The following SGPP1 variants were observed in gnomAD, a reference collection of about 807,000 sequenced individuals.
SGPP1 encodes hSPP1.
In SGPP1, 21 loss-of-function variants were observed where a neutral mutation model predicts 33.0. That is an observed-to-expected ratio of 0.64 (90% confidence interval 0.45 to 0.92). The LOEUF (loss-of-function observed/expected upper bound fraction) is 0.92, where lower values mean the gene tolerates loss of function less well. Among genes scored for constraint, SGPP1 ranks in the 40% least tolerant of loss-of-function variants. The probability of loss-of-function intolerance (pLI) is 0.00; values close to 1 mark genes in which losing one functional copy is unlikely to be tolerated. For missense variants in SGPP1, 543 were observed against 589.4 expected (o/e 0.92, Z 0.81); for synonymous variants, 239 against 241.2 (o/e 0.99, Z 0.08).
intron 1 of SGPP1, among the ~76,000 whole-genome samples, chr14:63,718,989 TA>T (rs1885692756): frequency 1.1e-4 from 2 of 17,882 alleles, no homozygotes; most frequent in Non-Finnish European, 2.2e-4. Context: ...TATATATATA[TA>T]TATATATATA....
chr14:63,691,805 C>A (rs1885098837), intron 2 of SGPP1, among the ~76,000 whole-genome samples: 1 of 152,024 alleles, frequency 6.6e-6, no homozygotes. Context: ...CATATTTAGA[C>A]AATGACTACT....
intron 1 of SGPP1, among the ~76,000 whole-genome samples, chr14:63,717,022 A>G (rs528693011): frequency 6.6e-6 from 1 of 152,196 alleles, no homozygotes; most frequent in Admixed American, 6.5e-5. Context: ...AATCTTCTGA[A>G]CTTACTCAAG....
At chr14:63,694,657 A>G (rs543026265) in intron 2 of SGPP1, among the ~76,000 whole-genome samples, 1 of 152,264 alleles carries the variant, frequency 6.6e-6, no homozygotes, top group African/African-American at 2.4e-5. Context: ...TATCATTTTG[A>G]TATCAATATA....
chr14:63,701,799 G>A (rs759661105), intron 1 of SGPP1, among the ~76,000 whole-genome samples: 25 of 151,900 alleles, frequency 1.6e-4, no homozygotes, highest in Non-Finnish European at 2.8e-4. Flanking sequence ...AGACCAGTTA[G>A]AAGGCTGTTG....
chr14:63,720,397 T>C (rs1427785491), intron 1 of SGPP1, among the ~76,000 whole-genome samples: 1 of 152,002 alleles, frequency 6.6e-6, no homozygotes, highest in African/African-American at 2.4e-5. Flanking sequence ...GGAAGGTCTT[T>C]GCAATATATT....
chr14:63,721,073 G>T (rs1885760304), intron 1 of SGPP1, among the ~76,000 whole-genome samples: 1 of 152,148 alleles, frequency 6.6e-6, no homozygotes, highest in African/African-American at 2.4e-5. Context: ...AATAGACACG[G>T]GGTTTCACCA....
At chr14:63,714,059 C>A (rs564857567) in intron 1 of SGPP1, among the ~76,000 whole-genome samples, 19 of 152,348 alleles carry the variant, frequency 1.2e-4, no homozygotes, top group African/African-American at 4.6e-4. Flanking sequence ...GAACTCCAGG[C>A]TCACCAGCCT....
intron 1 of SGPP1, among the ~76,000 whole-genome samples, chr14:63,708,607 A>C (rs921877951): frequency 6.6e-6 from 1 of 152,168 alleles, no homozygotes; most frequent in African/African-American, 2.4e-5. Context: ...AGACTTTTTT[A>C]AGCCAAAATT....
chr14:63,688,546 CTACCT>C (rs1182892845), intron 2 of SGPP1, among the ~76,000 whole-genome samples: 2 of 151,898 alleles, frequency 1.3e-5, no homozygotes, highest in Admixed American at 6.6e-5. Context: ...TTCCGTATTT[CTACCT>C]TACAACAAAA....
chr14:63,714,480 G>A (rs1040023028), intron 1 of SGPP1, among the ~76,000 whole-genome samples: 1 of 152,034 alleles, frequency 6.6e-6, no homozygotes, highest in African/African-American at 2.4e-5. Flanking sequence ...AGACACAGTG[G>A]CATGATTATA....
At position 63,727,805 on chromosome 14, in the gene SGPP1, G is replaced by A; in HGVS notation, c.140C>T (p.Ala47Val). Residue 47 changes from alanine to valine, a missense_variant, in exon 1 of 3, where the codon GCG becomes GTG. By Grantham distance (64) the Ala-to-Val change is moderately conservative. Transcript: ENST00000247225. ...CAGTCGAGGGTCTCCGGCGAGAGGC[G>A]CCTCCGCTTTCTCATCCTCCCTCCG... The part of the protein sequence containing the change: ...ADRREDEKAE[A>V]PLAGDPRLRG... 6.6e-7 allele frequency: 1 copy of A among 1,505,724 alleles called. No individual in the cohort carries two copies. The highest frequency in any genetic ancestry group is 8.8e-7 in the Non-Finnish European group (1 of 1,133,654). The allele number at this position is 1,505,724 out of a possible 1,614,324, so 93.3% of individuals were successfully genotyped here. A position where few individuals can be genotyped will look rare whatever the true frequency, so the allele number is the denominator to read the frequency against.
chr14:63,687,355 G>A (rs772297870), intron 2 of SGPP1, among the ~76,000 whole-genome samples: 2 of 152,134 alleles, frequency 1.3e-5, no homozygotes, highest in Admixed American at 1.3e-4. Flanking sequence ...CATGAGAATC[G>A]CTTGAACCCA....
In SGPP1 at chr14:63,727,772, C is replaced by T. The variant is rs1289604240; in HGVS notation, c.173G>A (p.Arg58Gln). ...PLAGDPRLRG[R>Q]QPGAPGGPQP... ...GGGGCCTCCAGGCGCCCCTGGCTGC[C>T]GCCCTCGCAGTCGAGGGTCTCCGGC... Residue 58 changes from arginine (R) to glutamine (Q), a missense_variant, in exon 1 of 3, where the codon CGG becomes CAG. Coordinates refer to ENST00000247225, the MANE Select transcript of SGPP1 (RefSeq NM_030791.4). The T allele has an allele frequency of 1.0e-5, 15 of 1,495,602 alleles. No homozygotes were observed. The highest frequency in any genetic ancestry group is 2.9e-5 in the African/African-American group (2 of 68,746). 92.6% of individuals were successfully genotyped at this position (1,495,602 alleles called of 1,614,324 possible).
Position 63,727,338 on chromosome 14 carries a change from T to A in SGPP1, c.607A>T (p.Ser203Cys). ...KLEVFYNSEY[S>C]MPSTHAMSGT... ...GACATGGCATGGGTGGAGGGCATGCTGTACTCAGAGTTGTAGAAGACCTCC... is the reference window on the plus strand; with the variant it reads ...GACATGGCATGGGTGGAGGGCATGCAGTACTCAGAGTTGTAGAAGACCTCC... Residue 203 changes from serine to cysteine, a missense_variant, in exon 1 of 3, where the codon AGC becomes TGC. Physicochemically the swap from Ser to Cys is moderately radical, Grantham distance 112. Transcript: ENST00000247225. 6.2e-7 allele frequency: 1 copy of A among 1,614,148 alleles called. No individual in the cohort carries two copies. Among genetic ancestry groups the A allele is most frequent in the South Asian group, 1.1e-5 (1 of 91,084 alleles).
chr14:63,697,742 T>C (rs761466865), intron 2 of SGPP1, among the ~76,000 whole-genome samples: 3 of 152,156 alleles, frequency 2.0e-5, no homozygotes, highest in Non-Finnish European at 2.9e-5. Flanking sequence ...ATGGGATAGT[T>C]AAGGTAAAGA....
intron 1 of SGPP1, among the ~76,000 whole-genome samples, chr14:63,705,110 G>C (rs1017170137): frequency 7.3e-5 from 11 of 151,520 alleles, no homozygotes; most frequent in African/African-American, 2.7e-4. Context: ...GTGGGTGACA[G>C]GGCGAGACTC....
intron 1 of SGPP1, among the ~76,000 whole-genome samples, chr14:63,717,823 G>A (rs1323536031): frequency 6.6e-6 from 1 of 152,136 alleles, no homozygotes. Flanking sequence ...TAGAGAAAAA[G>A]AGAAAATTTT....
chr14:63,710,678 T>C (rs915994864), intron 1 of SGPP1, among the ~76,000 whole-genome samples: 2 of 152,220 alleles, frequency 1.3e-5, no homozygotes, highest in African/African-American at 4.8e-5. Context: ...TCAGTCCACA[T>C]GACAGACAAA....
At chr14:63,722,545 A>G (rs1245056336) in intron 1 of SGPP1, among the ~76,000 whole-genome samples, 2 of 150,806 alleles carry the variant, frequency 1.3e-5, no homozygotes, top group Non-Finnish European at 2.9e-5. Flanking sequence ...AATAAAAAAT[A>G]AAAAATAAAA....
Sources: allele counts gnomAD v4.1 joint callset (sites outside exome capture counted in the v4.1 genomes callset), GRCh38; gene constraint gnomAD v4.1.1; transcripts MANE v1.5; gene names NCBI Gene and HGNC (gene_info 2026-07-23, HGNC 2026-07-21).